Variants in NFILZ observed in about 807,000 individuals in gnomAD.
NFILZ encodes NFIL3 like basic leucine zipper.
rs2043048762 is a variant in NFILZ, at chr19:8,663,776, A to ATGTGTGTGTG, written c.-163-10768_-163-10767insGTGTGTGTGT. Among the ~76,000 whole-genome samples, 13 of 27,444 alleles carry ATGTGTGTGTG rather than the reference A, an allele frequency of 4.7e-4. 1 individual carries two copies. In the Middle Eastern group the frequency reaches 0.11, roughly 226 times the overall value. The allele number at this position is 27,444 out of a possible 152,430, so 18.0% of individuals were successfully genotyped here. A position where few individuals can be genotyped will look rare whatever the true frequency, so the allele number is the denominator to read the frequency against. ...TGTGTGTGTGTGTGTGTGTGTATGT[A>ATGTGTGTGTG]TGTGTGTTTGTTGTGGGGGGGACTT... is the stretch of plus-strand genomic sequence containing the variant. On this transcript the variant is annotated intron_variant, in intron 3 of 5. Coordinates refer to ENST00000691075, the MANE Select transcript of NFILZ (RefSeq NM_001378600.1).
intron 3 of NFILZ, among the ~76,000 whole-genome samples, chr19:8,648,766 T>A (rs138477295): frequency 6.6e-6 from 1 of 150,742 alleles, no homozygotes; most frequent in African/African-American, 2.4e-5. Context: ...GGCAGGAGAA[T>A]GGCTTGAACC....
intron 3 of NFILZ, among the ~76,000 whole-genome samples, chr19:8,655,911 CA>C (rs1160225952): frequency 5.3e-5 from 8 of 151,990 alleles, no homozygotes; most frequent in Non-Finnish European, 8.8e-5. Flanking sequence ...GTCTCTGGTT[CA>C]GGGGGGGTCT....
intron 3 of NFILZ, among the ~76,000 whole-genome samples, 55 bp from the exon 4 acceptor site, chr19:8,674,487 CTTGGGCAAA>C: frequency 6.7e-6 from 1 of 149,144 alleles, no homozygotes; most frequent in East Asian, 2.0e-4. Flanking sequence ...GTAAGCATTT[CTTGGGCAAA>C]TAAATTTGAG....
chr19:8,648,014 T>C (rs184870322), intron 3 of NFILZ, among the ~76,000 whole-genome samples: 11 of 150,288 alleles, frequency 7.3e-5, no homozygotes, highest in East Asian at 2.0e-4. Flanking sequence ...CTACTAAAAA[T>C]ACAAAAAAAA....
At chr19:8,663,714 G>GCA (rs2043043685) in intron 3 of NFILZ, among the ~76,000 whole-genome samples, 2 of 143,592 alleles carry the variant, frequency 1.4e-5, no homozygotes, top group African/African-American at 5.1e-5. Flanking sequence ...TGTGGTGTGT[G>GCA]TGTGTGTTTG....
At chr19:8,657,116 C>T (rs534565295) in intron 3 of NFILZ, among the ~76,000 whole-genome samples, 5 of 150,424 alleles carry the variant, frequency 3.3e-5, no homozygotes, top group African/African-American at 7.3e-5. Flanking sequence ...GTTTTCGCTC[C>T]GGTGGGAGGT....
At chr19:8,633,131 C>T (rs1437059958) in intron 2 of NFILZ, among the ~76,000 whole-genome samples, 1 of 150,380 alleles carries the variant, frequency 6.6e-6, no homozygotes, top group African/African-American at 2.4e-5. Context: ...AGGGATTCTC[C>T]TGCCTCAGCC....
chr19:8,637,642 C>T (rs1474505501), intron 3 of NFILZ, among the ~76,000 whole-genome samples: 1 of 149,010 alleles, frequency 6.7e-6, no homozygotes. Context: ...TGCAGTGGCT[C>T]ACGCCTGTAA....
At chr19:8,669,529 C>A (rs2043077660) in intron 3 of NFILZ, among the ~76,000 whole-genome samples, 1 of 152,178 alleles carries the variant, frequency 6.6e-6, no homozygotes, top group Non-Finnish European at 1.5e-5. Context: ...CTAATCTCAG[C>A]CTTGCCGTAT....
chr19:8,673,201 G>A (rs1168006661), intron 3 of NFILZ, among the ~76,000 whole-genome samples: 1 of 152,086 alleles, frequency 6.6e-6, no homozygotes, highest in East Asian at 1.9e-4. Context: ...TGGAATCTCT[G>A]ACTGTCCCTG....
chr19:8,649,816 GA>G (rs200373107), intron 3 of NFILZ, among the ~76,000 whole-genome samples: 9 of 149,060 alleles, frequency 6.0e-5, no homozygotes, highest in East Asian at 2.0e-4. Context: ...AAAATACCCT[GA>G]AAAAAAAAAT....
In NFILZ at chr19:8,679,032, G is replaced by A. The variant is rs1233726603; in HGVS notation, c.*1397G>A. Among the ~76,000 whole-genome samples, 1 of 150,806 alleles carries A rather than the reference G, an allele frequency of 6.6e-6. No individual in the cohort carries two copies. The highest frequency in any genetic ancestry group is 1.5e-5 in the Non-Finnish European group (1 of 67,758). On this transcript the variant is annotated 3_prime_UTR_variant, in exon 6 of 6. Transcript: ENST00000691075. ...GGGCTTGCTTACCACCCAGTTTGAG[G>A]GGCAGACATATTGGCTTCTTCTGTG...
chr19:8,646,151 TTC>T (rs2042938472), intron 3 of NFILZ, among the ~76,000 whole-genome samples: 1 of 151,986 alleles, frequency 6.6e-6, no homozygotes, highest in Non-Finnish European at 1.5e-5. Context: ...ATTCTCCTGC[TTC>T]AGCCTCCCGA....
intron 3 of NFILZ, among the ~76,000 whole-genome samples, chr19:8,643,608 C>G (rs1217429903): frequency 2.6e-5 from 4 of 152,194 alleles, no homozygotes; most frequent in Admixed American, 6.5e-5. Context: ...TGAATTCTGT[C>G]TGTGTCAAAC....
At position 8,672,919 on chromosome 19, in the gene NFILZ, T is replaced by C. The variant is rs118001517; in HGVS notation, c.-163-1632T>C. On this transcript the variant is annotated intron_variant, in intron 3 of 5. Transcript: ENST00000691075. Reference sequence around the variant, plus strand: ...CAGAGGCTTTTAAGCAAAGGATAAATGGAATTTCAAAAAGCTACCTCTGGG... The same window carrying C: ...CAGAGGCTTTTAAGCAAAGGATAAACGGAATTTCAAAAAGCTACCTCTGGG... Among the ~76,000 whole-genome samples the C allele has an allele frequency of 4.4e-3, 666 of 151,972 alleles. 5 individuals are homozygous for C. Among genetic ancestry groups the C allele is most frequent in the Middle Eastern group, 0.024 (7 of 294 alleles).
chr19:8,655,263 C>T (rs1555748208), intron 3 of NFILZ, among the ~76,000 whole-genome samples: 1 of 152,136 alleles, frequency 6.6e-6, no homozygotes, highest in African/African-American at 2.4e-5. Flanking sequence ...AGCCTCCTTC[C>T]CTTTGCCCCT....
chr19:8,646,290 G>T (rs915457156), intron 3 of NFILZ, among the ~76,000 whole-genome samples: 2 of 152,142 alleles, frequency 1.3e-5, no homozygotes, highest in African/African-American at 4.8e-5. Flanking sequence ...GCCCACCTCG[G>T]CCTCCCAAAG....
chr19:8,630,974 C>T lies in NFILZ; in HGVS notation c.-411+230C>T, dbSNP rs79864661. 2.1e-4 allele frequency among the ~76,000 whole-genome samples: 32 copies of T among 152,280 alleles called. No homozygotes were observed. The East Asian group carries it at 5.6e-3, about 27-fold the overall frequency. ...GCCCGGGTCGTGTTGCATGGAACTG[C>T]GGCCAAGTGAGGGGATTAAGCAAAG... On this transcript the variant is annotated intron_variant, in intron 1 of 5. Coordinates refer to ENST00000691075, the MANE Select transcript of NFILZ (RefSeq NM_001378600.1).
At chr19:8,652,197 G>A (rs934562405) in intron 3 of NFILZ, among the ~76,000 whole-genome samples, 2 of 151,724 alleles carry the variant, frequency 1.3e-5, no homozygotes, top group Non-Finnish European at 2.9e-5. Context: ...CCGCTTCCCA[G>A]GTTCACGCCA....
Sources: gnomAD v4.1 joint callset for allele counts (sites outside exome capture counted in the v4.1 genomes callset) on GRCh38, gnomAD v4.1.1 for gene constraint, MANE v1.5 for transcripts, NCBI Gene and HGNC (gene_info 2026-07-23, HGNC 2026-07-21) for gene names.